Variants in SPTLC3 observed in about 807,000 individuals in gnomAD.
The protein encoded by SPTLC3 is serine palmitoyltransferase long chain base subunit 3.
A neutral mutation model predicts 59.3 loss-of-function variants in SPTLC3; 36 were observed. The observed-to-expected ratio is 0.61, with a 90% CI of 0.47 to 0.80. The LOEUF (loss-of-function observed/expected upper bound fraction) is 0.80, where lower values mean the gene tolerates loss of function less well. Among genes scored for constraint, SPTLC3 ranks in the 30% least tolerant of loss-of-function variants. The probability of loss-of-function intolerance (pLI) is 0.00; values close to 1 mark genes in which losing one functional copy is unlikely to be tolerated. For synonymous variants in SPTLC3, 257 were observed against 240.8 expected, an observed-to-expected ratio of 1.07 and a Z score of -0.62; for missense variants, 625 against 685.1, an observed-to-expected ratio of 0.91 and a Z score of 0.98.
chr20:13,098,540 G>T (rs951524229), intron 6 of SPTLC3, among the ~76,000 whole-genome samples: 2 of 152,056 alleles, frequency 1.3e-5, no homozygotes, highest in Non-Finnish European at 2.9e-5. Context: ...CAATTTAAGG[G>T]TTAAATTTTA....
chr20:13,066,526 G>C (rs1988218290), intron 2 of SPTLC3, among the ~76,000 whole-genome samples: 1 of 152,142 alleles, frequency 6.6e-6, no homozygotes, highest in Non-Finnish European at 1.5e-5. Flanking sequence ...AAAGCCTGTG[G>C]GTGTTAACCT....
chr20:13,116,515 T>A (rs982560965), intron 7 of SPTLC3, among the ~76,000 whole-genome samples: 4 of 152,202 alleles, frequency 2.6e-5, no homozygotes, highest in Non-Finnish European at 2.9e-5. Context: ...TTTAATTTTA[T>A]TTATTCATAG....
At chr20:13,150,562 C>T (rs2038619253) in intron 9 of SPTLC3, among the ~76,000 whole-genome samples, 1 of 152,188 alleles carries the variant, frequency 6.6e-6, no homozygotes, top group East Asian at 1.9e-4. Context: ...GTTGATAAAA[C>T]CAAGGAACAC....
At chr20:13,103,552 A>T (rs1860390956) in intron 6 of SPTLC3, among the ~76,000 whole-genome samples, 2 of 152,224 alleles carry the variant, frequency 1.3e-5, no homozygotes, top group Admixed American at 1.3e-4. Context: ...AGCAACCCAG[A>T]GAGTAGGGAA....
chr20:13,160,973 C>T (rs937874685), intron 11 of SPTLC3, among the ~76,000 whole-genome samples: 1 of 152,090 alleles, frequency 6.6e-6, no homozygotes, highest in Non-Finnish European at 1.5e-5. Context: ...GTGACACAAT[C>T]ATGTCATTAT....
intron 1 of SPTLC3, among the ~76,000 whole-genome samples, chr20:13,011,735 GTT>G (rs35271357): frequency 2.8e-5 from 4 of 144,858 alleles, no homozygotes; most frequent in East Asian, 2.0e-4. Flanking sequence ...TATTTTTCCT[GTT>G]TTTTTTTTTT....
intron 6 of SPTLC3, among the ~76,000 whole-genome samples, chr20:13,093,847 T>A (rs1989318091): frequency 6.6e-6 from 1 of 152,220 alleles, no homozygotes. Context: ...ATGATTGATC[T>A]CTCAGGACTG....
intron 10 of SPTLC3, among the ~76,000 whole-genome samples, chr20:13,158,993 T>G (rs1337256567): frequency 1.3e-5 from 2 of 152,208 alleles, no homozygotes; most frequent in African/African-American, 4.8e-5. Flanking sequence ...TTTACCTCAC[T>G]TATGGGTAAA....
At position 13,046,133 on chromosome 20, in the gene SPTLC3, T is replaced by C. The variant is rs183991094; in HGVS notation, c.118-2812T>C. On this transcript the variant is annotated intron_variant, in intron 1 of 11. Transcript: ENST00000399002. ...GGGTTCCCTTTATTCACCCTTTTTC[T>C]TCTGTGGTACCGGAAAAAGCACTGT... is the stretch of plus-strand genomic sequence containing the variant. Among the ~76,000 whole-genome samples the C allele has an allele frequency of 2.0e-5, 3 of 152,314 alleles. No individual in the cohort carries two copies. The East Asian group carries it at 5.8e-4, about 29-fold the overall frequency.
At chr20:13,073,472 G>A (rs1988521879) in intron 3 of SPTLC3, among the ~76,000 whole-genome samples, 1 of 151,748 alleles carries the variant, frequency 6.6e-6, no homozygotes, top group Admixed American at 6.6e-5. Context: ...GGCCCCTCCA[G>A]CACTAGGATA....
In SPTLC3 at chr20:13,065,708, TC is replaced by T. The variant is rs398121192; in HGVS notation, c.304-6546del. On this transcript the variant is annotated intron_variant, in intron 2 of 11. Transcript: ENST00000399002. ...TTTTATTTTTTATTTTAAATACTTC[TC>T]CTTTTATACTTAGTACAGTTGTTTT... is the stretch of plus-strand genomic sequence containing the variant. Among the ~76,000 whole-genome samples, 332 of 53,558 alleles carry T rather than the reference TC, an allele frequency of 6.2e-3. 3 individuals are homozygous for T. The highest frequency in any genetic ancestry group is 0.019 in the African/African-American group (318 of 17,056). 35.1% of individuals were successfully genotyped at this position (53,558 alleles called of 152,430 possible).
At chr20:13,049,275 A>G in intron 2 of SPTLC3, 145 bp downstream of exon 2, 1 of 843,792 alleles carries the variant, frequency 1.2e-6, no homozygotes, top group Non-Finnish European at 1.9e-6. Context: ...TCCACCTCCT[A>G]AACCCCATTA....
At position 13,117,743 on chromosome 20, in the gene SPTLC3, T is replaced by G; in HGVS notation, c.1152+18T>G. The G allele has an allele frequency of 6.3e-7, 1 of 1,593,614 alleles. No individual in the cohort carries two copies. The highest frequency in any genetic ancestry group is 8.5e-7 in the Non-Finnish European group (1 of 1,171,358). On this transcript the variant is annotated intron_variant, in intron 8 of 11. Transcript: ENST00000399002. ...GAAGGAAGGTAAGAGAGGGCCTGCT[T>G]GTGTCTGTTTAAAACCTGAGCGCCC... is the stretch of plus-strand genomic sequence containing the variant.
At chr20:13,107,013 T>G (rs1989938905) in intron 6 of SPTLC3, among the ~76,000 whole-genome samples, 1 of 152,186 alleles carries the variant, frequency 6.6e-6, no homozygotes, top group Non-Finnish European at 1.5e-5. Flanking sequence ...AGTAATGTAG[T>G]CTGCAGCAAG....
At chr20:13,031,239 C>A (rs75343280) in intron 1 of SPTLC3, among the ~76,000 whole-genome samples, 3 of 152,242 alleles carry the variant, frequency 2.0e-5, no homozygotes, top group East Asian at 1.9e-4. Flanking sequence ...AGGTAGCCAC[C>A]AACTACATGA....
chr20:13,149,314 T>C (rs908487951), intron 9 of SPTLC3, among the ~76,000 whole-genome samples: 1 of 152,212 alleles, frequency 6.6e-6, no homozygotes, highest in Admixed American at 6.5e-5. Flanking sequence ...CATCCTAGCA[T>C]GGCTGTCCCT....
rs904813581 is a variant in SPTLC3 at position 13,115,419 on chromosome 20, C to T, written c.933-2087C>T. On this transcript the variant is annotated intron_variant, in intron 7 of 11. Coordinates refer to ENST00000399002, the MANE Select transcript of SPTLC3 (RefSeq NM_018327.4). ...GCTCCTAACATCAGCTAGACCAGCCCCATGGAAGGATGGTTAATTAGCTGC... is the reference window on the plus strand; with the variant it reads ...GCTCCTAACATCAGCTAGACCAGCCTCATGGAAGGATGGTTAATTAGCTGC... Among the ~76,000 whole-genome samples, 15 of 152,192 alleles carry T rather than the reference C, an allele frequency of 9.9e-5. No individual in the cohort carries two copies. The East Asian group carries it at 2.3e-3, about 24-fold the overall frequency.
At chr20:13,018,688 G>A (rs750205051) in intron 1 of SPTLC3, among the ~76,000 whole-genome samples, 2 of 152,084 alleles carry the variant, frequency 1.3e-5, no homozygotes, top group Non-Finnish European at 2.9e-5. Flanking sequence ...ATTGGTTAAA[G>A]CTTCCTGGAA....
chr20:13,041,738 G>A (rs1421342563), intron 1 of SPTLC3, among the ~76,000 whole-genome samples: 4 of 103,456 alleles, frequency 3.9e-5, no homozygotes, highest in Admixed American at 1.2e-4. Context: ...GCCCTCCCCC[G>A]CCCCCACTAG....
Sources: gnomAD v4.1 joint callset for allele counts (sites outside exome capture counted in the v4.1 genomes callset) on GRCh38, gnomAD v4.1.1 for gene constraint, MANE v1.5 for transcripts, NCBI Gene and HGNC (gene_info 2026-07-23, HGNC 2026-07-21) for gene names.